The following ZDHHC21 variants were observed in gnomAD, a reference collection of about 807,000 sequenced individuals.
ZDHHC21 encodes zDHHC palmitoyltransferase 21, also known as palmitoyltransferase ZDHHC21.
Under a neutral mutation model 34.6 loss-of-function variants are expected in ZDHHC21, and 15 were observed. The ratio of observed to expected loss-of-function variants is 0.43; its 90% CI spans 0.29 to 0.67. The LOEUF is 0.67. Among genes scored for constraint, ZDHHC21 ranks in the 30% least tolerant of loss-of-function variants. The probability of loss-of-function intolerance (pLI) is 0.14; values close to 1 mark genes in which losing one functional copy is unlikely to be tolerated. For synonymous variants in ZDHHC21, 142 were observed against 101.8 expected (o/e 1.40, Z -2.38); for missense variants, 344 against 327.7 (o/e 1.05, Z -0.38).
rs759052476 is a variant in ZDHHC21, at chr9:14,616,461, T to C, written c.*2505A>G. On this transcript the variant is annotated 3_prime_UTR_variant, in exon 10 of 10. Transcript: ENST00000380916. ...TCATAAAATTTTACATTTTTGTACA[T>C]ACACTCCTCCTAAGTTTGTACTTTT... 1.3e-5 allele frequency: 2 copies of C among 151,780 alleles called. No homozygotes were observed. The highest frequency in any genetic ancestry group is 1.5e-5 in the Non-Finnish European group (1 of 67,800). 9.4% of individuals were successfully genotyped at this position (151,780 alleles called of 1,614,324 possible). A position where few individuals can be genotyped will look rare whatever the true frequency, so the allele number is the denominator to read the frequency against.
intron 2 of ZDHHC21, among the ~76,000 whole-genome samples, chr9:14,685,652 C>T (rs1343400978): frequency 6.6e-6 from 1 of 152,214 alleles, no homozygotes; most frequent in Non-Finnish European, 1.5e-5. Context: ...GTGGCGATTC[C>T]TCAAGGATCT....
chr9:14,642,175 TA>T (rs572530533), intron 7 of ZDHHC21, among the ~76,000 whole-genome samples: 101 of 152,294 alleles, frequency 6.6e-4, no homozygotes, highest in African/African-American at 2.3e-3. Flanking sequence ...AATACAGTAG[TA>T]AAAAAACTTT....
rs1391943979 is a variant in ZDHHC21, at chr9:14,613,686, G to C, written c.*5280C>G. 1 of 151,734 alleles carries C rather than the reference G, an allele frequency of 6.6e-6. No homozygotes were observed. The highest frequency in any genetic ancestry group is 2.4e-5 in the African/African-American group (1 of 41,394). The allele number at this position is 151,734 out of a possible 1,614,324, so 9.4% of individuals were successfully genotyped here. A position where few individuals can be genotyped will look rare whatever the true frequency, so the allele number is the denominator to read the frequency against. ...AATACCAATAGAAATGGAGACCTTC[G>C]AGGTATCAAGAACTCCAAAATATCC... On this transcript the variant is annotated 3_prime_UTR_variant, in exon 10 of 10. Coordinates refer to ENST00000380916, the MANE Select transcript of ZDHHC21 (RefSeq NM_178566.6).
intron 3 of ZDHHC21, among the ~76,000 whole-genome samples, chr9:14,677,811 A>G (rs1306622960): frequency 6.6e-6 from 1 of 152,070 alleles, no homozygotes; most frequent in African/African-American, 2.4e-5. Flanking sequence ...GAATACCACT[A>G]TTTTTTGCCT....
chr9:14,678,347 C>T (rs1478278874), intron 3 of ZDHHC21, among the ~76,000 whole-genome samples: 1 of 151,090 alleles, frequency 6.6e-6, no homozygotes. Context: ...AGTTAAAAGA[C>T]AAAGCATTCC....
chr9:14,623,620 C>A (rs1825693719), intron 8 of ZDHHC21, among the ~76,000 whole-genome samples: 1 of 116,564 alleles, frequency 8.6e-6, no homozygotes, highest in Non-Finnish European at 1.8e-5. Context: ...ACCCAGAATA[C>A]ATAAGGAACA....
At chr9:14,644,448 C>T (rs1178591606) in intron 7 of ZDHHC21, among the ~76,000 whole-genome samples, 2 of 151,636 alleles carry the variant, frequency 1.3e-5, no homozygotes, top group Non-Finnish European at 2.9e-5. Flanking sequence ...TTGTCTCCAA[C>T]CTGGAGGGAA....
downstream of ZDHHC21, among the ~76,000 whole-genome samples, chr9:14,609,892 C>A (rs780632016): frequency 2.6e-5 from 4 of 152,052 alleles, no homozygotes; most frequent in African/African-American, 7.2e-5. Context: ...ACTACATTAT[C>A]TGCACAAGAT....
intron 9 of ZDHHC21, 135 bp downstream of exon 9, chr9:14,619,504 C>T: frequency 1.4e-6 from 1 of 730,962 alleles, no homozygotes; most frequent in Non-Finnish European, 2.1e-6. Context: ...GGTAGCTTGC[C>T]TAGCACAGGC....
chr9:14,631,939 A>G (rs1264989729), intron 8 of ZDHHC21, among the ~76,000 whole-genome samples: 1 of 152,148 alleles, frequency 6.6e-6, no homozygotes, highest in Admixed American at 6.5e-5. Flanking sequence ...TGTTTGAAAT[A>G]TTACAAGAAT....
chr9:14,643,196 C>T (rs1271957894), intron 7 of ZDHHC21, among the ~76,000 whole-genome samples: 1 of 151,942 alleles, frequency 6.6e-6, no homozygotes, highest in African/African-American at 2.4e-5. Context: ...TGCAGTGAGC[C>T]GAGATCGTGC....
rs922928665 is a variant in ZDHHC21, at chr9:14,629,453, T to C, written c.622-9771A>G. On this transcript the variant is annotated intron_variant, in intron 8 of 9. Transcript: ENST00000380916. ...AACTTACAGAAATACCTCGAAGATA[T>C]TGCAGGTTTGGTTCTAAACAATGAA... Among the ~76,000 whole-genome samples, 5 of 152,274 alleles carry C rather than the reference T, an allele frequency of 3.3e-5. No homozygotes were observed. The South Asian group carries it at 8.3e-4, about 25-fold the overall frequency.
chr9:14,591,398 G>C, the ZDHHC21 span, among the ~76,000 whole-genome samples: 2 of 152,096 alleles, frequency 1.3e-5, no homozygotes, highest in Non-Finnish European at 2.9e-5. Context: ...CTGCCACTGA[G>C]AATGCAACAA....
chr9:14,601,376 C>T, the ZDHHC21 span, among the ~76,000 whole-genome samples: 2 of 152,014 alleles, frequency 1.3e-5, no homozygotes, highest in Admixed American at 6.6e-5. Flanking sequence ...CATTTTGCAG[C>T]CAACAGACAC....
intron 2 of ZDHHC21, among the ~76,000 whole-genome samples, chr9:14,684,923 G>A (rs1421974753): frequency 1.3e-5 from 2 of 152,100 alleles, no homozygotes; most frequent in Non-Finnish European, 2.9e-5. Flanking sequence ...CCTGATCTTT[G>A]ACAAATCTGA....
chr9:14,660,372 CAAAAAA>C (rs374162221), intron 6 of ZDHHC21, among the ~76,000 whole-genome samples: 5 of 58,810 alleles, frequency 8.5e-5, no homozygotes, highest in Non-Finnish European at 1.1e-4. Flanking sequence ...GACTCCATCT[CAAAAAA>C]AAAAAAAAAA....
chr9:14,682,483 G>C (rs2131618853), intron 2 of ZDHHC21, among the ~76,000 whole-genome samples: 1 of 152,272 alleles, frequency 6.6e-6, no homozygotes, highest in South Asian at 2.1e-4. Flanking sequence ...TCAACAAGAA[G>C]AGCTAACTAT....
At chr9:14,653,675 G>A (rs1054893062) in intron 7 of ZDHHC21, among the ~76,000 whole-genome samples, 11 of 151,732 alleles carry the variant, frequency 7.2e-5, no homozygotes, top group African/African-American at 2.4e-4. Flanking sequence ...CAGACCTTAT[G>A]GCCACAGAAG....
chr9:14,600,982 C>T, the ZDHHC21 span, among the ~76,000 whole-genome samples: 1 of 152,094 alleles, frequency 6.6e-6, no homozygotes, highest in Non-Finnish European at 1.5e-5. Flanking sequence ...TTCCTTACAC[C>T]TTATACAAAA....
Sources: allele counts gnomAD v4.1 joint callset (sites outside exome capture counted in the v4.1 genomes callset), GRCh38; gene constraint gnomAD v4.1.1; transcripts MANE v1.5; gene names NCBI Gene and HGNC (gene_info 2026-07-23, HGNC 2026-07-21).